Variants in MPP7 observed in about 807,000 individuals in gnomAD.
MPP7 encodes the protein MAGUK p55 scaffold protein 7.
A neutral mutation model predicts 76.5 loss-of-function variants in MPP7; 60 were observed. The observed-to-expected ratio is 0.78, with a 90% CI of 0.64 to 0.97. The LOEUF (loss-of-function observed/expected upper bound fraction) is 0.97, where lower values mean the gene tolerates loss of function less well. MPP7 is among the 50% of genes least tolerant of loss of function. The pLI is 0.00. For missense variants in MPP7, 641 were observed against 694.0 expected (o/e 0.92, Z 0.86); for synonymous variants, 237 against 244.5 (o/e 0.97, Z 0.29).
chr10:28,083,771 C>T (rs992948707), intron 12 of MPP7, among the ~76,000 whole-genome samples: 3 of 152,090 alleles, frequency 2.0e-5, no homozygotes, highest in Admixed American at 6.6e-5. Flanking sequence ...CTCCTGACCT[C>T]AAGTGATCTG....
intron 11 of MPP7, chr10:28,118,903 T>C: frequency 1.0e-6 from 1 of 985,418 alleles, no homozygotes; most frequent in Non-Finnish European, 1.2e-6. Flanking sequence ...TTTCGCTGTT[T>C]AATGTACAGT....
At chr10:28,246,682 G>A (rs959602285) in intron 1 of MPP7, among the ~76,000 whole-genome samples, 1 of 152,030 alleles carries the variant, frequency 6.6e-6, no homozygotes, top group Non-Finnish European at 1.5e-5. Flanking sequence ...AGAGGATAGG[G>A]GAAACTGCCA....
At chr10:28,237,940 G>C (rs1005752194) in intron 2 of MPP7, among the ~76,000 whole-genome samples, 10 of 152,186 alleles carry the variant, frequency 6.6e-5, no homozygotes, top group African/African-American at 2.2e-4. Context: ...AATCAGATCA[G>C]AAGGGGAGGA....
chr10:28,299,891 C>G (rs1841114283), intron 1 of MPP7, among the ~76,000 whole-genome samples: 2 of 151,892 alleles, frequency 1.3e-5, no homozygotes, highest in East Asian at 3.9e-4. Context: ...CTCAGCCTCC[C>G]GAGTAGCTGG....
intron 2 of MPP7, among the ~76,000 whole-genome samples, chr10:28,211,394 T>C (rs1003513754): frequency 3.3e-5 from 5 of 152,134 alleles, no homozygotes; most frequent in Non-Finnish European, 5.9e-5. Flanking sequence ...CACTTTTAGA[T>C]ACTCTGATGC....
rs1326794880 is a variant in MPP7, at chr10:28,053,079, G to A, written c.*986C>T. The A allele has an allele frequency of 3.3e-5, 5 of 152,138 alleles. No individual in the cohort carries two copies. The East Asian group carries it at 9.7e-4, about 29-fold the overall frequency. The allele number at this position is 152,138 out of a possible 1,614,324, so 9.4% of individuals were successfully genotyped here. On this transcript the variant is annotated 3_prime_UTR_variant, in exon 17 of 17. Transcript: ENST00000683449. ...ACAAAGAAATAACATCACATGAAAA[G>A]TTTTCTAAAATAAATCTTAGAGCAA...
chr10:28,280,260 C>T (rs1015610303), intron 1 of MPP7: 3 of 151,992 alleles, frequency 2.0e-5, no homozygotes, highest in Non-Finnish European at 4.4e-5. Context: ...AAAAGTCTCC[C>T]GATACCAAAA....
chr10:28,253,853 G>A (rs1032342487), intron 1 of MPP7, among the ~76,000 whole-genome samples: 8 of 151,544 alleles, frequency 5.3e-5, no homozygotes, highest in South Asian at 4.2e-4. Flanking sequence ...AAAATTAGCC[G>A]GGTATGGTCG....
At chr10:28,062,652 A>G (rs1851840695) in intron 13 of MPP7, among the ~76,000 whole-genome samples, 1 of 151,868 alleles carries the variant, frequency 6.6e-6, no homozygotes, top group African/African-American at 2.4e-5. Flanking sequence ...AGACAAAACA[A>G]TCATCTCAAC....
intron 2 of MPP7, among the ~76,000 whole-genome samples, chr10:28,228,227 T>TGAGA (rs1440179669): frequency 2.0e-5 from 3 of 152,114 alleles, no homozygotes; most frequent in Admixed American, 2.0e-4. Context: ...ATACGAAAGA[T>TGAGA]GAGAACAAAG....
chr10:28,246,558 T>A (rs1315104416), intron 1 of MPP7, among the ~76,000 whole-genome samples: 3 of 152,182 alleles, frequency 2.0e-5, no homozygotes, highest in Non-Finnish European at 2.9e-5. Context: ...ACAGTAATAT[T>A]GTAATGATGC....
At chr10:28,215,557 G>C (rs1021969893) in intron 2 of MPP7, among the ~76,000 whole-genome samples, 1 of 152,174 alleles carries the variant, frequency 6.6e-6, no homozygotes, top group African/African-American at 2.4e-5. Flanking sequence ...AGGAAGCACA[G>C]ACATTAACTT....
intron 3 of MPP7, among the ~76,000 whole-genome samples, chr10:28,184,862 G>T (rs1837178786): frequency 7.0e-6 from 1 of 142,162 alleles, no homozygotes. Context: ...AATATATTAT[G>T]ATTTTTATGA....
At chr10:28,076,887 GA>G (rs757961305) in intron 12 of MPP7, among the ~76,000 whole-genome samples, 17,238 of 132,120 alleles carry the variant, frequency 0.13, 1,546 homozygotes, top group East Asian at 0.5. Context: ...GACTCCGTCT[GA>G]AAAAAAAAAA....
At position 28,095,405 on chromosome 10, in the gene MPP7, G is replaced by A. The variant is rs781078261; in HGVS notation, c.953-5564C>T. Among the ~76,000 whole-genome samples, 68 of 151,974 alleles carry A rather than the reference G, an allele frequency of 4.5e-4. 2 individuals carry two copies. The South Asian group carries it at 5.2e-3, about 12-fold the overall frequency. ...TTTCAGCCTGCCCCATACTCCTAACGGCAATTTTTCTAGATTCTGTCCCCC... is the reference window on the plus strand; with the variant it reads ...TTTCAGCCTGCCCCATACTCCTAACAGCAATTTTTCTAGATTCTGTCCCCC... On this transcript the variant is annotated intron_variant, in intron 11 of 16. Transcript: ENST00000683449.
At chr10:28,211,524 A>C (rs1201841885) in intron 2 of MPP7, among the ~76,000 whole-genome samples, 2 of 152,100 alleles carry the variant, frequency 1.3e-5, no homozygotes, top group African/African-American at 4.8e-5. Context: ...TATTATCTTT[A>C]TATAAGATAT....
chr10:28,170,954 T>TGGAGCCTTTTGGCCC, intron 3 of MPP7, among the ~76,000 whole-genome samples: 1 of 152,138 alleles, frequency 6.6e-6, no homozygotes, highest in African/African-American at 2.4e-5. Flanking sequence ...TATCAGTATA[T>TGGAGCCTTTTGGCCC]CATATAATAG....
At chr10:28,293,247 A>G (rs1309993986) in intron 1 of MPP7, among the ~76,000 whole-genome samples, 3 of 152,196 alleles carry the variant, frequency 2.0e-5, no homozygotes, top group Non-Finnish European at 2.9e-5. Flanking sequence ...AAAAAGAGGC[A>G]AAGGATATAT....
intron 2 of MPP7, among the ~76,000 whole-genome samples, chr10:28,209,007 C>T (rs551385097): frequency 6.6e-6 from 1 of 152,112 alleles, no homozygotes; most frequent in Admixed American, 6.5e-5. Context: ...CACCTCCCCC[C>T]ACTCACTTCC....
Sources: allele counts gnomAD v4.1 joint callset (sites outside exome capture counted in the v4.1 genomes callset), GRCh38; gene constraint gnomAD v4.1.1; transcripts MANE v1.5; gene names NCBI Gene and HGNC (gene_info 2026-07-23, HGNC 2026-07-21).